The following EBF1 variants were observed in gnomAD, a reference collection of about 807,000 sequenced individuals.
EBF1 encodes EBF transcription factor 1.
A neutral mutation model predicts 68.4 loss-of-function variants in EBF1; 10 were observed. That is an observed-to-expected ratio of 0.15 (90% confidence interval 0.09 to 0.25). EBF1 has a LOEUF of 0.25. Among genes scored for constraint, EBF1 ranks in the 10% least tolerant of loss-of-function variants. The probability of loss-of-function intolerance (pLI) is 1.00; values close to 1 mark genes in which losing one functional copy is unlikely to be tolerated. For synonymous variants in EBF1, 298 were observed against 299.8 expected, an observed-to-expected ratio of 0.99 and a Z score of 0.06; for missense variants, 509 against 794.4, an observed-to-expected ratio of 0.64 and a Z score of 4.32.
intron 4 of EBF1, among the ~76,000 whole-genome samples, chr5:159,092,082 A>G (rs1781752121): frequency 6.6e-6 from 1 of 152,220 alleles, no homozygotes; most frequent in African/African-American, 2.4e-5. Context: ...ACAGAATGTA[A>G]TCATATTTCA....
At chr5:158,877,031 T>C (rs1249114496) in intron 6 of EBF1, among the ~76,000 whole-genome samples, 4 of 152,202 alleles carry the variant, frequency 2.6e-5, no homozygotes, top group Non-Finnish European at 5.9e-5. Flanking sequence ...ATTGTAAAAG[T>C]GTAAAGAACT....
intron 12 of EBF1, among the ~76,000 whole-genome samples, chr5:158,713,639 A>G (rs551410587): frequency 6.6e-6 from 1 of 152,354 alleles, no homozygotes; most frequent in South Asian, 2.1e-4. Flanking sequence ...TCCCCCAGAC[A>G]TTGACTCAGG....
chr5:158,721,583 C>A (rs528390847), intron 11 of EBF1, among the ~76,000 whole-genome samples: 3 of 152,210 alleles, frequency 2.0e-5, no homozygotes, highest in African/African-American at 7.2e-5. Context: ...GAAAATTGTT[C>A]GCTGCCTATT....
At chr5:158,820,970 A>T (rs1387259431) in intron 8 of EBF1, among the ~76,000 whole-genome samples, 2 of 152,200 alleles carry the variant, frequency 1.3e-5, no homozygotes, top group Non-Finnish European at 2.9e-5. Context: ...ATTAGTTACC[A>T]ACAATTAAAA....
intron 6 of EBF1, among the ~76,000 whole-genome samples, chr5:158,992,777 C>T (rs2127614711): frequency 6.6e-6 from 1 of 152,234 alleles, no homozygotes; most frequent in African/African-American, 2.4e-5. Context: ...CATCTGGGAA[C>T]AGCATCATGA....
intron 6 of EBF1, among the ~76,000 whole-genome samples, chr5:158,907,929 G>A (rs2127344271): frequency 6.6e-6 from 1 of 152,016 alleles, no homozygotes; most frequent in Non-Finnish European, 1.5e-5. Context: ...TTAAGTAATC[G>A]AGAAATTAGA....
At chr5:158,718,454 C>A (rs1171569096) in intron 11 of EBF1, among the ~76,000 whole-genome samples, 1 of 152,106 alleles carries the variant, frequency 6.6e-6, no homozygotes, top group Non-Finnish European at 1.5e-5. Context: ...TGCCCATGGA[C>A]AATGCCTCTC....
At chr5:158,781,375 T>A (rs766546427) in intron 9 of EBF1, among the ~76,000 whole-genome samples, 6 of 152,212 alleles carry the variant, frequency 3.9e-5, no homozygotes, top group Admixed American at 1.3e-4. Context: ...TTTTTTTTTC[T>A]CTATTTGCCT....
rs570110977 is a variant in EBF1 at position 158,697,869 on chromosome 5, T to C, written c.*1242A>G. On this transcript the variant is annotated 3_prime_UTR_variant, in exon 16 of 16. Coordinates refer to ENST00000313708, the MANE Select transcript of EBF1 (RefSeq NM_024007.5). ...GCTGCATCTTTGCTATTAATTCTTA[T>C]TTTTAAGAACACTTCCCAGATAATG... is the stretch of plus-strand genomic sequence containing the variant. The C allele has an allele frequency of 2.5e-4, 52 of 207,520 alleles. No individual in the cohort carries two copies. Among genetic ancestry groups the C allele is most frequent in the Non-Finnish European group, 3.9e-5 (4 of 101,862 alleles). 12.9% of individuals were successfully genotyped at this position (207,520 alleles called of 1,614,324 possible). A position where few individuals can be genotyped will look rare whatever the true frequency, so the allele number is the denominator to read the frequency against.
At chr5:158,730,885 A>G (rs1561767231) in intron 11 of EBF1, among the ~76,000 whole-genome samples, 184 bp downstream of exon 11, 1 of 152,258 alleles carries the variant, frequency 6.6e-6, no homozygotes, top group African/African-American at 2.4e-5. Context: ...TATAAAAGTA[A>G]GCACAGTGTT....
In EBF1 at chr5:158,858,715, T is replaced by C. The variant is rs540179612; in HGVS notation, c.555-18605A>G. On this transcript the variant is annotated intron_variant, in intron 6 of 15. Coordinates refer to ENST00000313708, the MANE Select transcript of EBF1 (RefSeq NM_024007.5). The stretch of plus-strand genomic sequence containing the variant: ...GCCCCTAAAAACAAGGTCCCCTTTT[T>C]CTGAAACATACATTTTTAAAACGTG... 1.2e-4 allele frequency among the ~76,000 whole-genome samples: 19 copies of C among 152,348 alleles called. No individual in the cohort carries two copies. In the South Asian group the frequency reaches 3.7e-3, roughly 30 times the overall value.
chr5:159,044,224 A>G (rs1771854370), intron 6 of EBF1, among the ~76,000 whole-genome samples: 1 of 152,254 alleles, frequency 6.6e-6, no homozygotes, highest in East Asian at 1.9e-4. Flanking sequence ...AATTTAATTC[A>G]TCTTAAGTGT....
chr5:159,028,616 A>G (rs1041477658), intron 6 of EBF1, among the ~76,000 whole-genome samples: 2 of 152,186 alleles, frequency 1.3e-5, no homozygotes, highest in African/African-American at 4.8e-5. Flanking sequence ...GAAAACAGAG[A>G]GACTTCATCT....
chr5:159,029,934 G>T (rs1415985621), intron 6 of EBF1, among the ~76,000 whole-genome samples: 1 of 150,188 alleles, frequency 6.7e-6, no homozygotes, highest in Non-Finnish European at 1.5e-5. Context: ...TCCAGCCTGG[G>T]CAACAAAGAG....
At chr5:158,910,555 C>A (rs1056270324) in intron 6 of EBF1, among the ~76,000 whole-genome samples, 11 of 152,148 alleles carry the variant, frequency 7.2e-5, no homozygotes, top group East Asian at 5.8e-4. Flanking sequence ...ATCTCTGTAG[C>A]AAAGATGATT....
intron 7 of EBF1, among the ~76,000 whole-genome samples, chr5:158,833,015 A>G (rs2127932693): frequency 6.6e-6 from 1 of 152,338 alleles, no homozygotes; most frequent in Non-Finnish European, 1.5e-5. Context: ...CCCTTTGCTC[A>G]GAACCCTCTC....
intron 6 of EBF1, among the ~76,000 whole-genome samples, chr5:158,942,853 G>A (rs1168369928): frequency 6.8e-6 from 1 of 146,844 alleles, no homozygotes; most frequent in East Asian, 2.0e-4. Context: ...GTGGTCGAAG[G>A]AGGAGGAGGG....
chr5:158,889,036 G>A (rs1800625724), intron 6 of EBF1, among the ~76,000 whole-genome samples: 1 of 152,068 alleles, frequency 6.6e-6, no homozygotes, highest in East Asian at 1.9e-4. Context: ...GATTACTTTA[G>A]GGTTTTTTCC....
intron 6 of EBF1, among the ~76,000 whole-genome samples, chr5:158,912,137 G>C (rs1806120594): frequency 6.6e-6 from 1 of 152,198 alleles, no homozygotes; most frequent in Non-Finnish European, 1.5e-5. Context: ...CATCTAAGTA[G>C]TGTGGGCTGC....
Sources: gnomAD v4.1 joint callset for allele counts (sites outside exome capture counted in the v4.1 genomes callset) on GRCh38, gnomAD v4.1.1 for gene constraint, MANE v1.5 for transcripts, NCBI Gene and HGNC (gene_info 2026-07-23, HGNC 2026-07-21) for gene names.